MAP4K5: variants seen among roughly 807,000 people sequenced by gnomAD.
MAP4K5 encodes the protein mitogen-activated protein kinase kinase kinase kinase 5.
A neutral mutation model predicts 135.6 loss-of-function variants in MAP4K5; 82 were observed. The ratio of observed to expected loss-of-function variants is 0.60; its 90% confidence interval spans 0.51 to 0.73. The LOEUF (loss-of-function observed/expected upper bound fraction) is 0.73. Among genes scored for constraint, MAP4K5 ranks in the 30% least tolerant of loss-of-function variants. MAP4K5 has a pLI of 0.00. For missense variants in MAP4K5, 907 were observed against 1,010.9 expected (o/e 0.90, Z 1.39); for synonymous variants, 347 against 335.0 (o/e 1.04, Z -0.39).
intron 21 of MAP4K5, among the ~76,000 whole-genome samples, chr14:50,441,785 C>G (rs1313259989): frequency 1.0e-5 from 1 of 99,072 alleles, no homozygotes; most frequent in Admixed American, 1.0e-4. Context: ...CACACACACA[C>G]ACACACACAC....
intron 3 of MAP4K5, among the ~76,000 whole-genome samples, chr14:50,490,668 C>A (rs1364942083): frequency 6.6e-6 from 1 of 152,178 alleles, no homozygotes; most frequent in African/African-American, 2.4e-5. Flanking sequence ...GAGTGGGCAG[C>A]CAACCCCCTA....
intron 1 of MAP4K5, among the ~76,000 whole-genome samples, chr14:50,547,443 G>A (rs914101017): frequency 2.6e-5 from 4 of 152,168 alleles, no homozygotes; most frequent in Non-Finnish European, 5.9e-5. Flanking sequence ...TAAAAACAAG[G>A]ACGGAGTCTG....
intron 9 of MAP4K5, among the ~76,000 whole-genome samples, chr14:50,470,424 T>C (rs540204817): frequency 6.6e-6 from 1 of 152,252 alleles, no homozygotes; most frequent in African/African-American, 2.4e-5. Flanking sequence ...AGGACAGTCA[T>C]AGAAAGTGAG....
intron 2 of MAP4K5, among the ~76,000 whole-genome samples, chr14:50,517,486 G>A (rs1424862416): frequency 2.0e-5 from 3 of 151,852 alleles, no homozygotes; most frequent in Admixed American, 2.0e-4. Context: ...TAAATGTTGA[G>A]GCTGGGCATG....
chr14:50,450,300 T>C (rs982691447), intron 14 of MAP4K5: 2 of 152,176 alleles, frequency 1.3e-5, no homozygotes, highest in African/African-American at 4.8e-5. Context: ...GCTATCTACA[T>C]GTAAACATAT....
At chr14:50,555,774 C>A (rs370287835) in intron 1 of MAP4K5, among the ~76,000 whole-genome samples, 6 of 152,328 alleles carry the variant, frequency 3.9e-5, no homozygotes, top group East Asian at 3.9e-4. Flanking sequence ...ACCAGTCTAT[C>A]TTTAAACAAA....
At chr14:50,516,114 G>A (rs926204626) in intron 2 of MAP4K5, among the ~76,000 whole-genome samples, 10 of 152,154 alleles carry the variant, frequency 6.6e-5, no homozygotes, top group Admixed American at 2.6e-4. Flanking sequence ...AAACTTATAA[G>A]CCAAATCCAC....
At chr14:50,556,368 A>G (rs2038765591) in intron 1 of MAP4K5, among the ~76,000 whole-genome samples, 1 of 151,998 alleles carries the variant, frequency 6.6e-6, no homozygotes, top group Non-Finnish European at 1.5e-5. Context: ...GGTGCACATC[A>G]CTGCACCTGG....
intron 2 of MAP4K5, among the ~76,000 whole-genome samples, chr14:50,520,480 G>A (rs1949995314): frequency 6.6e-6 from 1 of 152,092 alleles, no homozygotes; most frequent in African/African-American, 2.4e-5. Flanking sequence ...CAGCCTGGGC[G>A]ACAGAGCAAG....
intron 9 of MAP4K5, among the ~76,000 whole-genome samples, chr14:50,470,523 C>T (rs936186295): frequency 6.6e-6 from 1 of 151,832 alleles, no homozygotes; most frequent in South Asian, 2.1e-4. Flanking sequence ...CTTATTGAGG[C>T]TTTTTTTCTG....
At chr14:50,525,562 A>G (rs550149288) in intron 2 of MAP4K5, among the ~76,000 whole-genome samples, 2 of 152,216 alleles carry the variant, frequency 1.3e-5, no homozygotes, top group African/African-American at 4.8e-5. Flanking sequence ...GTCCGGGCAC[A>G]GTGTACTCAC....
chr14:50,502,631 T>G (rs938304833), intron 3 of MAP4K5, among the ~76,000 whole-genome samples: 1 of 151,964 alleles, frequency 6.6e-6, no homozygotes, highest in African/African-American at 2.4e-5. Flanking sequence ...AAGAAAAAAA[T>G]TTTACAAACA....
chr14:50,554,000 T>C (rs2038735468), intron 1 of MAP4K5, among the ~76,000 whole-genome samples: 1 of 152,106 alleles, frequency 6.6e-6, no homozygotes, highest in Non-Finnish European at 1.5e-5. Context: ...TGGTACAGTA[T>C]ACTCTGCTCC....
At chr14:50,530,851 A>T (rs2038370813) in intron 2 of MAP4K5, among the ~76,000 whole-genome samples, 1 of 152,120 alleles carries the variant, frequency 6.6e-6, no homozygotes, top group African/African-American at 2.4e-5. Flanking sequence ...ACTACCTTGA[A>T]ATGCTAATAT....
chr14:50,481,506 A>T (rs1432886437), intron 6 of MAP4K5, among the ~76,000 whole-genome samples: 1 of 152,084 alleles, frequency 6.6e-6, no homozygotes, highest in Non-Finnish European at 1.5e-5. Context: ...ACTACACAAT[A>T]TAGGAAATTT....
At chr14:50,432,225 T>G (rs1315200430) in intron 28 of MAP4K5, among the ~76,000 whole-genome samples, 1 of 152,160 alleles carries the variant, frequency 6.6e-6, no homozygotes, top group Non-Finnish European at 1.5e-5. Flanking sequence ...TGTTATAACT[T>G]GCCAGTTCAA....
chr14:50,450,451 G>T (rs1428764464), intron 14 of MAP4K5: 2 of 152,046 alleles, frequency 1.3e-5, no homozygotes, highest in African/African-American at 4.8e-5. Context: ...TTCTGCCTGG[G>T]GGCACTTTCC....
At chr14:50,434,252 G>C in intron 28 of MAP4K5, 142 bp downstream of exon 28, 2 of 614,610 alleles carry the variant, frequency 3.3e-6, no homozygotes, top group Non-Finnish European at 5.6e-6. Flanking sequence ...ATACGTACAC[G>C]GTTCTATGGG....
chr14:50,549,937 C>T (rs530010792), intron 1 of MAP4K5, among the ~76,000 whole-genome samples: 17 of 152,350 alleles, frequency 1.1e-4, no homozygotes, highest in African/African-American at 3.6e-4. Flanking sequence ...AAACTCTCAG[C>T]GTTACCTCTG....
Sources: allele counts gnomAD v4.1 joint callset (sites outside exome capture counted in the v4.1 genomes callset), GRCh38; gene constraint gnomAD v4.1.1; transcripts MANE v1.5; gene names NCBI Gene and HGNC (gene_info 2026-07-23, HGNC 2026-07-21).